The following TAF15 variants were observed in gnomAD, a reference collection of about 807,000 sequenced individuals.
The protein encoded by TAF15 is TATA-box binding protein associated factor 15, also known as TATA-binding protein-associated factor 2N.
In TAF15, 37 loss-of-function variants were observed where a neutral mutation model predicts 102.5. The observed-to-expected ratio is 0.36, with a 90% confidence interval of 0.28 to 0.47. TAF15 has a LOEUF of 0.47. Ranked by LOEUF, TAF15 falls within the 20% of genes least tolerant of loss-of-function variation. The pLI, the probability that TAF15 is intolerant of heterozygous loss-of-function variation, is 0.99. For synonymous variants in TAF15, 273 were observed against 259.2 expected (o/e 1.05, Z -0.51); for missense variants, 652 against 760.7 (o/e 0.86, Z 1.68).
intron 7 of TAF15, among the ~76,000 whole-genome samples, chr17:35,829,328 T>A (rs116753178): frequency 0.017 from 2,532 of 151,166 alleles, 61 homozygotes; most frequent in African/African-American, 0.057. Context: ...TTTTATTATT[T>A]TTTTTTTTAT....
At chr17:35,840,103 G>A (rs547775610) in intron 11 of TAF15, among the ~76,000 whole-genome samples, 12 of 152,056 alleles carry the variant, frequency 7.9e-5, no homozygotes, top group East Asian at 1.9e-4. Context: ...AGAGTAAGTC[G>A]CAGAGTCAGG....
intron 1 of TAF15, among the ~76,000 whole-genome samples, chr17:35,811,757 C>T (rs1245870834): frequency 6.6e-6 from 1 of 152,246 alleles, no homozygotes; most frequent in African/African-American, 2.4e-5. Flanking sequence ...CATTCAAATA[C>T]TGTTTACAAC....
At chr17:35,821,236 A>T (rs1333258430) in intron 5 of TAF15, among the ~76,000 whole-genome samples, 1 of 152,188 alleles carries the variant, frequency 6.6e-6, no homozygotes, top group Non-Finnish European at 1.5e-5. Flanking sequence ...TCAAATTATC[A>T]CCCTTACAGA....
chr17:35,844,104 G>T lies in TAF15; in HGVS notation c.1034G>T (p.Gly345Val). Residue 345 changes from glycine (G) to valine (V), a missense_variant, in exon 13 of 16, where the codon GGC (glycine) becomes GTC (valine). Gly to Val is a moderately radical substitution (Grantham distance 109, BLOSUM62 -3). Transcript: ENST00000605844. ...RGRGGYRGRGGFQGRGGDPKS... is the reference protein window; with the variant it reads ...RGRGGYRGRGVFQGRGGDPKS... ...CGTGGAGGATATAGAGGTCGTGGAG[G>T]CTTTCAAGGGAGAGGTGGAGACCCC... The T allele has an allele frequency of 6.2e-7, 1 of 1,614,176 alleles. No homozygotes were observed. The highest frequency in any genetic ancestry group is 1.1e-5 in the South Asian group (1 of 91,088).
At chr17:35,834,736 A>ATT in intron 9 of TAF15, 138 bp downstream of exon 9, 46 of 239,314 alleles carry the variant, frequency 1.9e-4, no homozygotes, top group Middle Eastern at 1.2e-3. Context: ...GGGGAGCTTT[A>ATT]TTTCTTTTTT....
chr17:35,828,047 T>C (rs1347023314), intron 7 of TAF15, among the ~76,000 whole-genome samples: 1 of 152,232 alleles, frequency 6.6e-6, no homozygotes, highest in Non-Finnish European at 1.5e-5. Flanking sequence ...TAACACCTTC[T>C]AAAATTGCCA....
chr17:35,834,483 G>T, intron 8 of TAF15, 83 bp from the exon 9 acceptor site: 2 of 1,324,486 alleles, frequency 1.5e-6, no homozygotes, highest in South Asian at 1.2e-5. Context: ...GACTTTTCAT[G>T]CCTTGGTTTA....
intron 7 of TAF15, among the ~76,000 whole-genome samples, chr17:35,829,586 C>A (rs1347418838): frequency 1.6e-5 from 2 of 124,454 alleles, no homozygotes; most frequent in African/African-American, 6.4e-5. Context: ...GAGCCGAGAT[C>A]GTGCCACTGT....
intron 7 of TAF15, among the ~76,000 whole-genome samples, chr17:35,827,502 C>T (rs534429773): frequency 2.6e-5 from 4 of 152,106 alleles, no homozygotes; most frequent in African/African-American, 7.2e-5. Flanking sequence ...ATCAGGAGTT[C>T]GAGATCAGCC....
intron 10 of TAF15, 44 bp from the exon 11 acceptor site, chr17:35,838,380 T>C (rs367901333): frequency 6.2e-7 from 1 of 1,611,744 alleles, no homozygotes; most frequent in African/African-American, 1.3e-5. Flanking sequence ...ACATGATTAC[T>C]TATTTTAAAA....
chr17:35,839,296 TATAA>T (rs1385929912), intron 11 of TAF15, among the ~76,000 whole-genome samples: 6 of 142,406 alleles, frequency 4.2e-5, no homozygotes, highest in Non-Finnish European at 6.1e-5. Context: ...AAAAAAACCC[TATAA>T]ATAAATAAAG....
chr17:35,839,751 G>T (rs2087521643), intron 11 of TAF15, among the ~76,000 whole-genome samples: 2 of 152,030 alleles, frequency 1.3e-5, no homozygotes, highest in African/African-American at 4.8e-5. Flanking sequence ...CTCAAAGGTA[G>T]CCACTGATAA....
intron 15 of TAF15, 145 bp downstream of exon 15, chr17:35,845,183 T>A: frequency 9.6e-7 from 1 of 1,041,894 alleles, no homozygotes; most frequent in Non-Finnish European, 1.4e-6. Context: ...GTTTCCTGCT[T>A]AGCAATTTCT....
intron 1 of TAF15, chr17:35,816,815 CTTTTTTTTTTTTTTT>C (rs1170506741): frequency 3.5e-5 from 2 of 57,430 alleles, no homozygotes; most frequent in Non-Finnish European, 6.4e-5. Flanking sequence ...CCCACCCCCA[CTTTTTTTTTTTTTTT>C]TTTTTTTTTT....
intron 5 of TAF15, among the ~76,000 whole-genome samples, chr17:35,821,739 T>C (rs1353000623): frequency 6.6e-6 from 1 of 152,210 alleles, no homozygotes; most frequent in Non-Finnish European, 1.5e-5. Context: ...TTCAAATCGC[T>C]AGAATAAGCA....
intron 7 of TAF15, 115 bp from the exon 8 acceptor site, chr17:35,833,791 AG>A: frequency 1.1e-6 from 1 of 945,874 alleles, no homozygotes; most frequent in South Asian, 1.4e-5. Context: ...GAAAACTTAG[AG>A]GTGCTACTGT....
chr17:35,830,938 T>C (rs1361552714), intron 7 of TAF15, among the ~76,000 whole-genome samples: 1 of 152,242 alleles, frequency 6.6e-6, no homozygotes, highest in Non-Finnish European at 1.5e-5. Context: ...TTGAAGCTTA[T>C]GGAGAACCAC....
intron 1 of TAF15, chr17:35,816,612 T>G (rs2087197808): frequency 6.6e-6 from 1 of 152,224 alleles, no homozygotes; most frequent in Non-Finnish European, 1.5e-5. Context: ...TAGAGCCATT[T>G]TTTGCAGTTG....
intron 1 of TAF15, among the ~76,000 whole-genome samples, chr17:35,813,577 A>C (rs960939839): frequency 6.6e-6 from 1 of 151,554 alleles, no homozygotes; most frequent in Non-Finnish European, 1.5e-5. Flanking sequence ...TCGAGGCTAC[A>C]GTGAGCTGTG....
Sources: allele counts gnomAD v4.1 joint callset (sites outside exome capture counted in the v4.1 genomes callset), GRCh38; gene constraint gnomAD v4.1.1; transcripts MANE v1.5; gene names NCBI Gene and HGNC (gene_info 2026-07-23, HGNC 2026-07-21).